ARHGAP6: variants seen among roughly 807,000 people sequenced by gnomAD.
ARHGAP6 encodes the protein Rho GTPase activating protein 6, also known as rho GTPase-activating protein 6.
ARHGAP6 carries 16 observed loss-of-function variants against 55.7 expected under a neutral mutation model. The ratio of observed to expected loss-of-function variants is 0.29; its 90% confidence interval spans 0.19 to 0.44. The LOEUF is 0.44. Among genes scored for constraint, ARHGAP6 ranks in the 20% least tolerant of loss-of-function variants. The pLI is 1.00. For missense variants in ARHGAP6, 698 were observed against 808.9 expected (o/e 0.86, Z 1.66); for synonymous variants, 382 against 360.9 (o/e 1.06, Z -0.66).
intron 1 of ARHGAP6, among the ~76,000 whole-genome samples, chrX:11,410,836 T>C (rs1246102578): frequency 9.1e-6 from 1 of 109,950 alleles, no homozygotes; most frequent in Non-Finnish European, 1.9e-5. Flanking sequence ...AACAGAACCA[T>C]AGTGTCTGGA....
chrX:11,404,132 A>G (rs1346531691), intron 1 of ARHGAP6, among the ~76,000 whole-genome samples: 2 of 111,467 alleles, frequency 1.8e-5, no homozygotes, highest in East Asian at 5.7e-4. Context: ...TAACTGATTC[A>G]CACCTGGGTC....
intron 1 of ARHGAP6, among the ~76,000 whole-genome samples, chrX:11,409,613 A>G (rs1024047400): frequency 9.8e-5 from 11 of 112,716 alleles, no homozygotes; most frequent in African/African-American, 3.5e-4. Flanking sequence ...TACTGCTGGA[A>G]TATGGGCAGA....
intron 2 of ARHGAP6, among the ~76,000 whole-genome samples, chrX:11,248,550 C>T (rs1235574996): frequency 9.0e-6 from 1 of 111,641 alleles, no homozygotes; most frequent in Non-Finnish European, 1.9e-5. Context: ...GAATCTACAA[C>T]AAACTCAAAC....
At chrX:11,391,360 T>G (rs1193844125) in intron 1 of ARHGAP6, among the ~76,000 whole-genome samples, 1 of 110,755 alleles carries the variant, frequency 9.0e-6, no homozygotes, top group Non-Finnish European at 1.9e-5. Context: ...ATATACCTAA[T>G]GTAAATAACT....
At chrX:11,194,411 G>T (rs1394969372) in intron 3 of ARHGAP6, among the ~76,000 whole-genome samples, 1 of 111,800 alleles carries the variant, frequency 8.9e-6, no homozygotes, top group Admixed American at 9.5e-5. Context: ...AAACACCCAT[G>T]CCTGAGGTAT....
intron 1 of ARHGAP6, among the ~76,000 whole-genome samples, chrX:11,331,007 T>C (rs2048556831): frequency 8.9e-6 from 1 of 111,982 alleles, no homozygotes; most frequent in Non-Finnish European, 1.9e-5. Flanking sequence ...CCTTCTCCTG[T>C]CCTCCTCTCA....
intron 9 of ARHGAP6, among the ~76,000 whole-genome samples, chrX:11,164,140 C>T (rs889443463): frequency 5.3e-5 from 6 of 112,494 alleles, no homozygotes; most frequent in African/African-American, 1.9e-4. Context: ...TCCTCATTTC[C>T]AGATTGGCTA....
chrX:11,225,928 G>A (rs2147427540), intron 2 of ARHGAP6, among the ~76,000 whole-genome samples: 1 of 109,054 alleles, frequency 9.2e-6, no homozygotes, highest in South Asian at 4.0e-4. Context: ...CTGACTTCTA[G>A]GATTTATAGT....
At chrX:11,575,807 A>C (rs1051253001) in intron 1 of ARHGAP6, among the ~76,000 whole-genome samples, 2 of 112,255 alleles carry the variant, frequency 1.8e-5, no homozygotes, top group Admixed American at 9.5e-5. Flanking sequence ...GCCCAACCAT[A>C]TAAAACAGAG....
At chrX:11,583,030 A>G (rs759817858) in intron 1 of ARHGAP6, among the ~76,000 whole-genome samples, 1 of 112,361 alleles carries the variant, frequency 8.9e-6, no homozygotes, top group African/African-American at 3.2e-5. Flanking sequence ...ATATTTAGTC[A>G]CTAAATATTC....
At chrX:11,350,837 T>C (rs1459036828) in intron 1 of ARHGAP6, among the ~76,000 whole-genome samples, 1 of 110,903 alleles carries the variant, frequency 9.0e-6, no homozygotes, top group Non-Finnish European at 1.9e-5. Context: ...TCTTTAAAAA[T>C]CTTTTTAAAG....
chrX:11,594,081 C>T (rs1014732876), intron 1 of ARHGAP6, among the ~76,000 whole-genome samples: 6 of 111,834 alleles, frequency 5.4e-5, no homozygotes, highest in Non-Finnish European at 7.5e-5. Flanking sequence ...GTTGGAAGTC[C>T]TTAATTAATT....
chrX:11,539,648 C>A (rs894578875), intron 1 of ARHGAP6, among the ~76,000 whole-genome samples: 1 of 111,459 alleles, frequency 9.0e-6, no homozygotes, highest in African/African-American at 3.3e-5. Flanking sequence ...TCTGAACTAG[C>A]CTAAGCGATC....
intron 1 of ARHGAP6, among the ~76,000 whole-genome samples, chrX:11,486,359 A>G (rs1359884121): frequency 8.9e-6 from 1 of 112,324 alleles, no homozygotes; most frequent in Non-Finnish European, 1.9e-5. Flanking sequence ...CTCTCTACAT[A>G]TTCATTTGTT....
intron 12 of ARHGAP6, among the ~76,000 whole-genome samples, chrX:11,140,191 A>G (rs968195956): frequency 1.4e-5 from 1 of 69,012 alleles, no homozygotes; most frequent in Non-Finnish European, 3.2e-5. Context: ...GGCCTGAACT[A>G]AAAAAAAAAA....
chrX:11,294,913 T>C, intron 1 of ARHGAP6: 2 of 1,101,560 alleles, frequency 1.8e-6, no homozygotes, highest in Non-Finnish European at 2.5e-6. Context: ...CTGCTCATAG[T>C]TGGTGAAATT....
At chrX:11,634,246 T>A (rs1001359172) in intron 1 of ARHGAP6, among the ~76,000 whole-genome samples, 6 of 110,584 alleles carry the variant, frequency 5.4e-5, no homozygotes, top group African/African-American at 2.0e-4. Context: ...AAATTCTTAA[T>A]AAGCTTTAAC....
intron 10 of ARHGAP6, among the ~76,000 whole-genome samples, chrX:11,151,619 C>T (rs932879451): frequency 8.9e-6 from 1 of 112,020 alleles, no homozygotes; most frequent in African/African-American, 3.2e-5. Context: ...TTAACTCCTC[C>T]AATACCGATG....
chrX:11,153,865 AG>A (rs1217085366), intron 10 of ARHGAP6, among the ~76,000 whole-genome samples: 2 of 110,789 alleles, frequency 1.8e-5, no homozygotes, highest in Non-Finnish European at 3.8e-5. Flanking sequence ...CACAATGTGC[AG>A]GTTTGTTACA....
Sources: allele counts gnomAD v4.1 joint callset (sites outside exome capture counted in the v4.1 genomes callset), GRCh38; gene constraint gnomAD v4.1.1; transcripts MANE v1.5; gene names NCBI Gene and HGNC (gene_info 2026-07-23, HGNC 2026-07-21).